The following PPP6R1 variants were observed in gnomAD, a reference collection of about 807,000 sequenced individuals.
PPP6R1 encodes the protein protein phosphatase 6 regulatory subunit 1, also known as serine/threonine-protein phosphatase 6 regulatory subunit 1.
PPP6R1 carries 39 observed loss-of-function variants against 104.6 expected under a neutral mutation model. That is an observed-to-expected ratio of 0.37 (90% CI 0.29 to 0.49). The LOEUF is 0.49. Among genes scored for constraint, PPP6R1 ranks in the 20% least tolerant of loss-of-function variants. PPP6R1 has a pLI of 0.98. For synonymous variants in PPP6R1, 549 were observed against 479.0 expected (o/e 1.15, Z -1.91); for missense variants, 1,181 against 1,155.8 (o/e 1.02, Z -0.32).
intron 1 of PPP6R1, 191 bp from the exon 2 acceptor site, chr19:55,247,300 T>A: frequency 1.6e-6 from 1 of 613,478 alleles, no homozygotes; most frequent in Non-Finnish European, 2.9e-6. Flanking sequence ...CACTCAGGCT[T>A]AAGGCTCCCA....
In PPP6R1 at chr19:55,230,612, C is replaced by T; in HGVS notation, c.2642+1G>A. 1 of 1,612,402 alleles carries T rather than the reference C, an allele frequency of 6.2e-7. No homozygotes were observed. The highest frequency in any genetic ancestry group is 2.2e-5 in the East Asian group (1 of 44,842). The stretch of plus-strand genomic sequence containing the variant: ...CAGCCCGAGGCTGCAGCCACACTCA[C>T]TGGGAGCCTGGGGATGCAGGCCCTT... On this transcript the variant is annotated splice_donor_variant, in intron 23 of 23. Transcript: ENST00000412770. LOFTEE classifies it high-confidence loss of function.
chr19:55,246,558 A>T (rs2087510354), intron 2 of PPP6R1, among the ~76,000 whole-genome samples: 1 of 152,262 alleles, frequency 6.6e-6, no homozygotes, highest in Non-Finnish European at 1.5e-5. Context: ...GAATAAAGAG[A>T]AAAACCAGCC....
chr19:55,244,749 C>CTT (rs554641104), intron 5 of PPP6R1, among the ~76,000 whole-genome samples: 12 of 146,586 alleles, frequency 8.2e-5, no homozygotes, highest in African/African-American at 2.7e-4. Context: ...TCTTTTCTTT[C>CTT]TTTTTTTTTT....
chr19:55,247,028 C>T lies in PPP6R1; in HGVS notation c.76G>A (p.Glu26Lys). 2 of 1,613,886 alleles carry T rather than the reference C, an allele frequency of 1.2e-6. No individual in the cohort carries two copies. The highest frequency in any genetic ancestry group is 1.7e-6 in the Non-Finnish European group (2 of 1,179,888). ...LLEREDLSLP[E>K]LLDEEDVLQE... is the part of the protein sequence containing the mutation. ...AGCACGTCTTCCTCGTCCAGCAGCT[C>T]GGGCAGGCTCAGGTCCTCCCGCTCC... Residue 26 changes from glutamate (E) to lysine (K), a missense_variant, in exon 2 of 24, where the codon GAG becomes AAG. Physicochemically the swap from Glu to Lys is moderately conservative, Grantham distance 56 (BLOSUM62 1). Around this residue, in one of 2 missense-constraint regions of PPP6R1, gnomAD observed 139 missense variants for 200.1 expected, o/e 0.69. Coordinates refer to ENST00000412770, the MANE Select transcript of PPP6R1 (RefSeq NM_014931.4).
chr19:55,242,318 G>A (rs771585769), intron 6 of PPP6R1, 39 bp from the exon 7 acceptor site: 6 of 1,612,346 alleles, frequency 3.7e-6, no homozygotes, highest in Non-Finnish European at 5.1e-6. Flanking sequence ...GAGGGGCCAG[G>A]GGCCCAGGGC....
intron 15 of PPP6R1, among the ~76,000 whole-genome samples, chr19:55,237,212 C>T (rs1390932790): frequency 6.6e-6 from 1 of 152,186 alleles, no homozygotes; most frequent in Admixed American, 6.5e-5. Context: ...GGCTGTTTCC[C>T]TTGGCTCTAG....
intron 1 of PPP6R1, among the ~76,000 whole-genome samples, chr19:55,256,403 T>C (rs751266800): frequency 6.6e-6 from 1 of 152,234 alleles, no homozygotes; most frequent in Non-Finnish European, 1.5e-5. Context: ...ACTGGCAGCA[T>C]TCCCCCCAGT....
chr19:55,228,890 TG>T (rs2087311690), downstream of PPP6R1: 2 of 798,890 alleles, frequency 2.5e-6, no homozygotes, highest in Non-Finnish European at 2.0e-6. Context: ...GTCCTCACCC[TG>T]GGGATGGCCC....
intron 15 of PPP6R1, among the ~76,000 whole-genome samples, chr19:55,237,511 C>T (rs776785676): frequency 2.6e-5 from 4 of 152,114 alleles, no homozygotes; most frequent in Non-Finnish European, 4.4e-5. Context: ...TCCCTCACCA[C>T]GAGGGTCTAA....
At chr19:55,246,360 G>A (rs1267584575) in intron 2 of PPP6R1, among the ~76,000 whole-genome samples, 3 of 151,632 alleles carry the variant, frequency 2.0e-5, no homozygotes, top group African/African-American at 7.3e-5. Context: ...GGGAGGAGGA[G>A]GTTGCAGTGA....
chr19:55,250,452 C>G (rs1234466777), intron 1 of PPP6R1, among the ~76,000 whole-genome samples: 1 of 152,190 alleles, frequency 6.6e-6, no homozygotes, highest in Non-Finnish European at 1.5e-5. Context: ...TGAGCCGGCT[C>G]CAGCACTTGC....
chr19:55,232,399 G>T, intron 17 of PPP6R1, 188 bp from the exon 18 acceptor site: 1 of 817,444 alleles, frequency 1.2e-6, no homozygotes, highest in Non-Finnish European at 1.8e-6. Flanking sequence ...TGAGCCAACG[G>T]CAAGAACACA....
chr19:55,233,967 T>TG (rs2087372026), intron 17 of PPP6R1, among the ~76,000 whole-genome samples: 2 of 152,028 alleles, frequency 1.3e-5, no homozygotes, highest in African/African-American at 4.8e-5. Context: ...TTCTGTGAGA[T>TG]GGAGTTTCGT....
Position 55,242,154 on chromosome 19 carries a change from C to T in PPP6R1, c.845+12G>A, listed in dbSNP as rs746485271. 49 of 1,608,702 alleles carry T rather than the reference C, an allele frequency of 3.0e-5. No individual in the cohort carries two copies. Among genetic ancestry groups the T allele is most frequent in the Middle Eastern group, 1.6e-4 (1 of 6,080 alleles). ...TGGGCAGCATGCATGGTCTGTGGCC[C>T]GTATCCCTCACCTCGGCCTCCTGGG... On this transcript the variant is annotated intron_variant, in intron 7 of 23. Transcript: ENST00000412770.
chr19:55,242,995 G>A (rs1180348676), intron 5 of PPP6R1, among the ~76,000 whole-genome samples: 1 of 152,086 alleles, frequency 6.6e-6, no homozygotes, highest in East Asian at 1.9e-4. Context: ...GTTGCCGGGG[G>A]CTAAGAAGAG....
intron 17 of PPP6R1, 23 bp downstream of exon 17, chr19:55,236,620 A>C: frequency 6.6e-7 from 1 of 1,503,900 alleles, no homozygotes; most frequent in Non-Finnish European, 8.8e-7. Flanking sequence ...AGCTTGGAGA[A>C]GGGAAACTGG....
chr19:55,252,868 T>C, intron 1 of PPP6R1, among the ~76,000 whole-genome samples: 1 of 151,964 alleles, frequency 6.6e-6, no homozygotes, highest in East Asian at 1.9e-4. Context: ...CTGTACAGAA[T>C]ATCTCAATAA....
chr19:55,247,519 G>A (rs578212988), intron 1 of PPP6R1: 1 of 184,772 alleles, frequency 5.4e-6, no homozygotes, highest in Non-Finnish European at 1.1e-5. Flanking sequence ...CTCCCCATGA[G>A]GGTCTGGGTC....
At chr19:55,249,050 C>T (rs73621321) in intron 1 of PPP6R1, among the ~76,000 whole-genome samples, 2,642 of 152,290 alleles carry the variant, frequency 0.017, 79 homozygotes, top group African/African-American at 0.061. Flanking sequence ...GTCCCTACAC[C>T]TGGCCAATGA....
Sources: allele counts gnomAD v4.1 joint callset (sites outside exome capture counted in the v4.1 genomes callset), GRCh38; gene constraint gnomAD v4.1.1; regional missense constraint gnomAD v4.1.1; transcripts MANE v1.5; gene names NCBI Gene and HGNC (gene_info 2026-07-23, HGNC 2026-07-21).